TIAM2: variants seen among roughly 807,000 people sequenced by gnomAD.
TIAM2 encodes the protein TIAM Rac1 associated GEF 2, also known as rho guanine nucleotide exchange factor TIAM2.
Under a neutral mutation model 152.9 loss-of-function variants are expected in TIAM2, and 80 were observed. The observed-to-expected ratio is 0.52, with a 90% CI of 0.44 to 0.63. The LOEUF is 0.63. Among genes scored for constraint, TIAM2 ranks in the 30% least tolerant of loss-of-function variants. TIAM2 has a pLI of 0.00. For missense variants in TIAM2, 1,965 were observed against 2,120.1 expected (o/e 0.93, Z 1.44); for synonymous variants, 804 against 838.0 (o/e 0.96, Z 0.70).
chr6:155,178,462 C>T (rs1056449274), intron 10 of TIAM2, among the ~76,000 whole-genome samples: 1 of 152,178 alleles, frequency 6.6e-6, no homozygotes, highest in South Asian at 2.1e-4. Flanking sequence ...ATATGTTCTA[C>T]CGTAATCTCT....
At chr6:155,032,375 A>G (rs927845813) in intron 1 of TIAM2, among the ~76,000 whole-genome samples, 1 of 152,178 alleles carries the variant, frequency 6.6e-6, no homozygotes, top group African/African-American at 2.4e-5. Context: ...ATAGCAATCT[A>G]TGTCATGCGT....
chr6:155,180,535 T>C (rs1338049671), intron 12 of TIAM2, among the ~76,000 whole-genome samples: 27 of 152,224 alleles, frequency 1.8e-4, no homozygotes, highest in Admixed American at 1.8e-3. Context: ...TATGTTAAAA[T>C]GTCCTTTTTA....
At chr6:155,246,801 G>A (rs1783364347) in intron 19 of TIAM2, among the ~76,000 whole-genome samples, 2 of 152,182 alleles carry the variant, frequency 1.3e-5, no homozygotes, top group African/African-American at 4.8e-5. Context: ...ACTTGGCCTG[G>A]TAATCACATT....
At chr6:155,014,358 C>A (rs748877951) in intron 1 of TIAM2, among the ~76,000 whole-genome samples, 1 of 152,044 alleles carries the variant, frequency 6.6e-6, no homozygotes, top group Non-Finnish European at 1.5e-5. Context: ...ATAAAGTAGT[C>A]TTTTTATTGT....
chr6:155,189,675 CT>C (rs1182013451), intron 14 of TIAM2, among the ~76,000 whole-genome samples: 1 of 152,046 alleles, frequency 6.6e-6, no homozygotes, highest in Non-Finnish European at 1.5e-5. Flanking sequence ...ATTTCATACT[CT>C]CAAGAAGCTC....
intron 14 of TIAM2, among the ~76,000 whole-genome samples, chr6:155,190,323 A>G (rs1366388799): frequency 6.6e-6 from 1 of 152,244 alleles, no homozygotes; most frequent in Non-Finnish European, 1.5e-5. Flanking sequence ...ATAAATATTC[A>G]GATGTTTTAG....
intron 7 of TIAM2, among the ~76,000 whole-genome samples, chr6:155,153,747 G>A (rs1009014149): frequency 1.5e-4 from 22 of 147,786 alleles, no homozygotes; most frequent in African/African-American, 4.7e-4. Flanking sequence ...TCAACCTCCC[G>A]AGTAGCTGGG....
chr6:155,082,416 T>C (rs1778083214), intron 1 of TIAM2, among the ~76,000 whole-genome samples: 1 of 151,946 alleles, frequency 6.6e-6, no homozygotes, highest in Non-Finnish European at 1.5e-5. Flanking sequence ...TTTGGGAGGC[T>C]GAGGTGGGTG....
chr6:155,191,909 C>T (rs772399097), intron 14 of TIAM2, among the ~76,000 whole-genome samples: 3 of 152,126 alleles, frequency 2.0e-5, no homozygotes, highest in Non-Finnish European at 4.4e-5. Flanking sequence ...ATGGCCCACC[C>T]CAAACATGTC....
At chr6:155,179,321 T>G in intron 11 of TIAM2, 57 bp from the exon 12 acceptor site, 3 of 1,571,472 alleles carry the variant, frequency 1.9e-6, no homozygotes, top group Non-Finnish European at 2.6e-6. Context: ...GTCAAAGTAA[T>G]TTTTTGAGGT....
chr6:155,054,596 T>TG (rs199570725), intron 1 of TIAM2, among the ~76,000 whole-genome samples: 1 of 151,280 alleles, frequency 6.6e-6, no homozygotes, highest in Non-Finnish European at 1.5e-5. Context: ...TGTTTTTTTT[T>TG]TTTGAGACGG....
At chr6:155,155,643 T>G (rs1003787041) in intron 7 of TIAM2, among the ~76,000 whole-genome samples, 80 of 151,958 alleles carry the variant, frequency 5.3e-4, no homozygotes, top group African/African-American at 1.9e-3. Context: ...CCCGGCAAAT[T>G]TTTGTATTTT....
intron 1 of TIAM2, among the ~76,000 whole-genome samples, chr6:155,081,586 C>T (rs148111626): frequency 1.2e-3 from 182 of 152,302 alleles, no homozygotes; most frequent in African/African-American, 3.7e-3. Context: ...ACCATTCACA[C>T]AGAGCCCAGG....
chr6:155,193,241 C>G (rs1781253056), intron 14 of TIAM2, among the ~76,000 whole-genome samples: 1 of 151,896 alleles, frequency 6.6e-6, no homozygotes. Flanking sequence ...CCTATCTCTA[C>G]AAAAAATAAA....
At position 155,137,440 on chromosome 6, in the gene TIAM2, C is replaced by A; in HGVS notation, c.1458C>A (p.Ser486Arg). The change falls in exon 5 of 27, where the codon AGC (serine) becomes AGA (arginine). Residue 486 changes from serine (S) to arginine (R), a missense_variant. Physicochemically the swap from Ser to Arg is moderately radical, Grantham distance 110 (BLOSUM62 -1). This residue lies in a region of TIAM2 where 1,025 missense variants were observed against 1,119.4 expected (regional missense o/e 0.92). Coordinates refer to ENST00000682666, the MANE Select transcript of TIAM2 (RefSeq NM_012454.4). ...CATCTACAGAAACCGCCGAGTCCAGCAGCGAGTCACTCAGCTCTCTGGAAC... is the reference window on the plus strand; with the variant it reads ...CATCTACAGAAACCGCCGAGTCCAGAAGCGAGTCACTCAGCTCTCTGGAAC... ...IETSTETAES[S>R]SESLSSLEQL... 1.2e-6 allele frequency: 2 copies of A among 1,614,244 alleles called. No individual in the cohort carries two copies. The highest frequency in any genetic ancestry group is 1.1e-5 in the South Asian group (1 of 91,086).
chr6:155,163,851 C>T (rs1277852610), intron 7 of TIAM2, among the ~76,000 whole-genome samples: 3 of 152,166 alleles, frequency 2.0e-5, no homozygotes, highest in Non-Finnish European at 2.9e-5. Context: ...TGGCATTCTC[C>T]AAACAAACAT....
intron 1 of TIAM2, among the ~76,000 whole-genome samples, chr6:155,019,332 T>A (rs1007855805): frequency 6.6e-6 from 1 of 150,650 alleles, no homozygotes; most frequent in Admixed American, 6.6e-5. Context: ...AGACTCCATC[T>A]AAAAAAAAGA....
intron 1 of TIAM2, among the ~76,000 whole-genome samples, chr6:155,053,308 A>G (rs1182982766): frequency 1.3e-5 from 2 of 152,038 alleles, no homozygotes; most frequent in African/African-American, 4.8e-5. Flanking sequence ...GGTACGTGGG[A>G]GCTTTTTAAA....
intron 15 of TIAM2, among the ~76,000 whole-genome samples, chr6:155,239,558 C>G (rs1782928745): frequency 6.6e-6 from 1 of 152,240 alleles, no homozygotes; most frequent in South Asian, 2.1e-4. Context: ...CAGCCAAAGT[C>G]TGGTGGATAC....
Sources: allele counts gnomAD v4.1 joint callset (sites outside exome capture counted in the v4.1 genomes callset), GRCh38; gene constraint gnomAD v4.1.1; regional missense constraint gnomAD v4.1.1; transcripts MANE v1.5; gene names NCBI Gene and HGNC (gene_info 2026-07-23, HGNC 2026-07-21).